The following PRKCSH variants were observed in gnomAD, a reference collection of about 807,000 sequenced individuals.
PRKCSH encodes the protein glucosidase 2 subunit beta.
A neutral mutation model predicts 79.7 loss-of-function variants in PRKCSH; 42 were observed. The observed-to-expected ratio is 0.53, with a 90% CI of 0.41 to 0.68. The LOEUF (loss-of-function observed/expected upper bound fraction) is 0.68, where lower values mean the gene tolerates loss of function less well. Ranked by LOEUF, PRKCSH falls within the 30% of genes least tolerant of loss-of-function variation. The probability of loss-of-function intolerance (pLI) is 0.00; values close to 1 mark genes in which losing one functional copy is unlikely to be tolerated. For synonymous variants in PRKCSH, 325 were observed against 288.2 expected, an observed-to-expected ratio of 1.13 and a Z score of -1.29; for missense variants, 686 against 709.0, an observed-to-expected ratio of 0.97 and a Z score of 0.37.
intron 1 of PRKCSH, 136 bp from the exon 2 acceptor site, chr19:11,435,905 C>A: frequency 1.1e-6 from 1 of 934,024 alleles, no homozygotes; most frequent in Non-Finnish European, 1.6e-6. Context: ...TGAGACTGGC[C>A]AGGATTGGGG....
chr19:11,438,436 C>T (rs534349885), intron 5 of PRKCSH, among the ~76,000 whole-genome samples: 1 of 152,208 alleles, frequency 6.6e-6, no homozygotes, highest in African/African-American at 2.4e-5. Flanking sequence ...TCCTGAAAAC[C>T]GAAACACCCA....
intron 6 of PRKCSH, among the ~76,000 whole-genome samples, chr19:11,441,962 G>A (rs896699662): frequency 2.0e-5 from 3 of 152,234 alleles, no homozygotes; most frequent in African/African-American, 4.8e-5. Flanking sequence ...GGGGGCAGGA[G>A]GCAAGGAAGG....
Position 11,449,015 on chromosome 19 carries a change from C to G in PRKCSH, c.1361+27C>G, listed in dbSNP as rs376795375. ...TGAGTGGCTTGGGCTGGCCCCTTCC[C>G]TCTGCCTCCTCCTGGTGCCCCGACA... On this transcript the variant is annotated intron_variant, in intron 15 of 17. Transcript: ENST00000677123. The surrounding 1 kb of genome is among the most constrained non-coding windows in gnomAD (Gnocchi z 6.4). 5 of 1,613,084 alleles carry G rather than the reference C, an allele frequency of 3.1e-6. No homozygotes were observed. In the African/African-American group the frequency reaches 6.7e-5, roughly 22 times the overall value.
rs886054196 is a variant in PRKCSH, at chr19:11,435,679, T to C, written c.-105T>C. Reference sequence around the variant, plus strand: ...CGGCTGCTGGACAAGAGGGGTGCGGTGGATACTGACCTTTGCTCCGGCCTC... The same window carrying C: ...CGGCTGCTGGACAAGAGGGGTGCGGCGGATACTGACCTTTGCTCCGGCCTC... On this transcript the variant is annotated 5_prime_UTR_variant, in exon 1 of 18. Transcript: ENST00000677123. 23 of 1,304,666 alleles carry C rather than the reference T, an allele frequency of 1.8e-5. No individual in the cohort carries two copies. Among genetic ancestry groups the C allele is most frequent in the Non-Finnish European group, 2.2e-5 (22 of 999,688 alleles). 80.8% of individuals were successfully genotyped at this position (1,304,666 alleles called of 1,614,324 possible).
At chr19:11,440,218 G>A (rs952854776) in intron 5 of PRKCSH, among the ~76,000 whole-genome samples, 2 of 151,314 alleles carry the variant, frequency 1.3e-5, no homozygotes, top group African/African-American at 2.4e-5. Context: ...TGTGATCTCC[G>A]CTCACTGCAA....
chr19:11,440,602 GCCACCAC>G, intron 5 of PRKCSH, among the ~76,000 whole-genome samples: 1 of 151,826 alleles, frequency 6.6e-6, no homozygotes, highest in East Asian at 1.9e-4. Context: ...GTAGCTGGGC[GCCACCAC>G]GCCCAGCTAA....
chr19:11,436,182 G>A lies in PRKCSH; in HGVS notation c.65G>A (p.Gly22Asp). 6.3e-7 allele frequency: 1 copy of A among 1,589,964 alleles called. No individual in the cohort carries two copies. The highest frequency in any genetic ancestry group is 8.6e-7 in the Non-Finnish European group (1 of 1,169,498). The change falls in exon 2 of 18, where the codon GGC becomes GAC. Residue 22 changes from glycine to aspartate, a missense_variant. Physicochemically the swap from Gly to Asp is moderately conservative, Grantham distance 94. Coordinates refer to ENST00000677123, the MANE Select transcript of PRKCSH (RefSeq NM_001289104.2). ...CWAVEVKRPR[G>D]VSLTNHHFYD... ...GCCGTGGAGGTCAAGAGGCCCCGGG[G>A]CGTCTCCCTCACCAGTGAGTCCTCC...
At position 11,445,538 on chromosome 19, in the gene PRKCSH, T is replaced by G. The variant is rs1404609762; in HGVS notation, c.683+65T>G. 12 of 1,516,726 alleles carry G rather than the reference T, an allele frequency of 7.9e-6. 1 individual carries two copies. The highest frequency in any genetic ancestry group is 1.4e-5 in the African/African-American group (1 of 72,936). 94.0% of individuals were successfully genotyped at this position (1,516,726 alleles called of 1,614,324 possible). ...GCCTGGGTTTCCCTCCCCGCCACCC[T>G]CGCCTCTAGAAACCAGCCAGATCCT... On this transcript the variant is annotated intron_variant, in intron 8 of 17. Coordinates refer to ENST00000677123, the MANE Select transcript of PRKCSH (RefSeq NM_001289104.2).
At chr19:11,436,697 G>A (rs1256140557) in intron 3 of PRKCSH, 192 bp downstream of exon 3, 3 of 590,852 alleles carry the variant, frequency 5.1e-6, no homozygotes, top group Non-Finnish European at 9.1e-6. Context: ...CCCAAGCCTC[G>A]GGGTCAGAGA....
chr19:11,436,735 G>T, intron 3 of PRKCSH: 1 of 525,622 alleles, frequency 1.9e-6, no homozygotes, highest in East Asian at 3.5e-5. Context: ...TGAGGTTTCA[G>T]TTGAATCCCG....
chr19:11,447,321 C>A lies in PRKCSH; in HGVS notation c.850-118C>A, dbSNP rs1421137161. On this transcript the variant is annotated intron_variant, in intron 10 of 17. Transcript: ENST00000677123. This position sits in a 1 kb window ranked among gnomAD's most constrained non-coding sequence, Gnocchi z 5.6. Reference sequence around the variant, plus strand: ...CCCCCGACCCCAGCTGTCGGTCCTCCCTGCAGGCCCCGCAGGAGGGGCAGA... The same window carrying A: ...CCCCCGACCCCAGCTGTCGGTCCTCACTGCAGGCCCCGCAGGAGGGGCAGA... The A allele has an allele frequency of 7.3e-7, 1 of 1,363,740 alleles. No homozygotes were observed. Among genetic ancestry groups the A allele is most frequent in the East Asian group, 2.5e-5 (1 of 40,586 alleles). The allele number at this position is 1,363,740 out of a possible 1,614,324, so 84.5% of individuals were successfully genotyped here.
rs1970397849 is a variant in PRKCSH at position 11,447,908 on chromosome 19, A to G, written c.1126+119A>G. 8.1e-7 allele frequency: 1 copy of G among 1,242,216 alleles called. No homozygotes were observed. The highest frequency in any genetic ancestry group is 1.1e-6 in the Non-Finnish European group (1 of 907,742). 76.9% of individuals were successfully genotyped at this position (1,242,216 alleles called of 1,614,324 possible). A position where few individuals can be genotyped will look rare whatever the true frequency, so the allele number is the denominator to read the frequency against. On this transcript the variant is annotated intron_variant, in intron 12 of 17. Transcript: ENST00000677123. This position sits in a 1 kb window ranked among gnomAD's most constrained non-coding sequence, Gnocchi z 5.6. The stretch of plus-strand genomic sequence containing the variant: ...CTCTGACTCGGCCAGCACAAGCCCC[A>G]GTATCTTGGGGAGTCCAGGAAGGGG...
At position 11,447,287 on chromosome 19, in the gene PRKCSH, C is replaced by T. The variant is rs1318361113; in HGVS notation, c.849+127C>T. 4 of 1,347,222 alleles carry T rather than the reference C, an allele frequency of 3.0e-6. No homozygotes were observed. Among genetic ancestry groups the T allele is most frequent in the Admixed American group, 2.0e-5 (1 of 50,814 alleles). The allele number at this position is 1,347,222 out of a possible 1,614,324, so 83.5% of individuals were successfully genotyped here. A position where few individuals can be genotyped will look rare whatever the true frequency, so the allele number is the denominator to read the frequency against. On this transcript the variant is annotated intron_variant, in intron 10 of 17. Transcript: ENST00000677123. The surrounding 1 kb of genome is among the most constrained non-coding windows in gnomAD (Gnocchi z 5.6). The stretch of plus-strand genomic sequence containing the variant: ...CCAGCTGGGTGGCCCCAGCACCCCC[C>T]ACCGAGACCCCCCGACCCCAGCTGT...
At chr19:11,439,059 C>G (rs913309493) in intron 5 of PRKCSH, among the ~76,000 whole-genome samples, 1 of 151,982 alleles carries the variant, frequency 6.6e-6, no homozygotes, top group Non-Finnish European at 1.5e-5. Context: ...AGGCGTACCC[C>G]CACCACGCCT....
chr19:11,436,870 T>C (rs921732422), intron 3 of PRKCSH: 1 of 339,150 alleles, frequency 2.9e-6, no homozygotes, highest in East Asian at 7.6e-5. Context: ...TTTTGTGTGT[T>C]TTGAAGAGAC....
intron 6 of PRKCSH, among the ~76,000 whole-genome samples, chr19:11,441,711 G>T (rs1599492229): frequency 1.3e-5 from 2 of 152,144 alleles, no homozygotes; most frequent in East Asian, 3.9e-4. Flanking sequence ...CCCCAGTTCT[G>T]ATGTTAGAAA....
Position 11,449,380 on chromosome 19 carries a change from G to C in PRKCSH, c.1576G>C (p.Ala526Pro), listed in dbSNP as rs1434788300. 1.2e-6 allele frequency: 2 copies of C among 1,613,362 alleles called. No individual in the cohort carries two copies. Among genetic ancestry groups the C allele is most frequent in the Admixed American group, 1.7e-5 (1 of 60,020 alleles). The part of the protein sequence containing the change: ...PAACPEPPPE[A>P]PTEDDHDEL ...CGCCTGCCCGGAGCCACCGCCTGAA[G>C]CACCCACCGAAGACGACCATGACGA... The change falls in exon 17 of 18, where the codon GCA becomes CCA. Residue 526 changes from alanine to proline, a missense_variant. Ala to Pro is a conservative substitution (Grantham distance 27, BLOSUM62 -1). Around this residue, in one of 2 missense-constraint regions of PRKCSH, gnomAD observed 137 missense variants for 188.8 expected, o/e 0.73. Transcript: ENST00000677123. The surrounding 1 kb of genome is among the most constrained non-coding windows in gnomAD (Gnocchi z 6.4).
Position 11,447,453 on chromosome 19 carries a change from C to T in PRKCSH, c.864C>T (p.Asp288=). The change falls in exon 11 of 18, where the codon GAC becomes GAT. Residue 288 remains aspartate (D), a synonymous_variant. Transcript: ENST00000677123. The surrounding 1 kb of genome is among the most constrained non-coding windows in gnomAD (Gnocchi z 5.6). ...TCACCCGCCAGGCACTGCCCACCGA[C>T]CTTCCAGCACCTTCTGCCCCTGACT... ...DKYRSEALPT[D]LPAPSAPDLT... The T allele has an allele frequency of 6.2e-7, 1 of 1,613,920 alleles. No homozygotes were observed. The highest frequency in any genetic ancestry group is 1.3e-5 in the African/African-American group (1 of 75,054).
chr19:11,444,901 A>C (rs1362435920), intron 7 of PRKCSH, among the ~76,000 whole-genome samples: 2 of 149,662 alleles, frequency 1.3e-5, no homozygotes, highest in Non-Finnish European at 3.0e-5. Flanking sequence ...CTAAAGTCTC[A>C]GTGGTCGCTC....
Sources: gnomAD v4.1 joint callset for allele counts (sites outside exome capture counted in the v4.1 genomes callset) on GRCh38, gnomAD v4.1.1 for gene constraint, gnomAD v4.1.1 regional missense constraint, Gnocchi (gnomAD v3.1) non-coding constraint, MANE v1.5 for transcripts, NCBI Gene and HGNC (gene_info 2026-07-23, HGNC 2026-07-21) for gene names.